ACTN4: variants seen among roughly 807,000 people sequenced by gnomAD.
ACTN4 encodes actinin alpha 4.
In ACTN4, 18 loss-of-function variants were observed where a neutral mutation model predicts 114.2. That is an observed-to-expected ratio of 0.16 (90% CI 0.11 to 0.23). ACTN4 has a LOEUF of 0.23. ACTN4 is among the 10% of genes least tolerant of loss of function. ACTN4 has a pLI of 1.00. For synonymous variants in ACTN4, 515 were observed against 506.3 expected (o/e 1.02, Z -0.23); for missense variants, 722 against 1,262.9 (o/e 0.57, Z 6.49).
chr19:38,669,206 C>T (rs748474780), intron 1 of ACTN4, among the ~76,000 whole-genome samples: 5 of 152,114 alleles, frequency 3.3e-5, no homozygotes, highest in Non-Finnish European at 7.3e-5. Flanking sequence ...AGATTGGTCT[C>T]GAATTCCTGA....
At position 38,714,558 on chromosome 19, in the gene ACTN4, C is replaced by T. The variant is rs781105730; in HGVS notation, c.909C>T (p.Ser303=). The change falls in exon 9 of 21, where the codon AGC becomes AGT. Residue 303 remains serine (S), a synonymous_variant. Transcript: ENST00000252699. ...TGGAGGACTACGAGAAGCTGGCCAG[C>T]GACGTGAGTGTTCCCCCAGTGAAAG... The part of the protein sequence containing the change: ...HLMEDYEKLA[S]DLLEWIRRTI... The T allele has an allele frequency of 1.4e-5, 22 of 1,613,922 alleles. No individual in the cohort carries two copies. Among genetic ancestry groups the T allele is most frequent in the South Asian group, 7.7e-5 (7 of 91,084 alleles).
intron 1 of ACTN4, among the ~76,000 whole-genome samples, chr19:38,696,544 A>G (rs1319857162): frequency 6.6e-6 from 1 of 152,136 alleles, no homozygotes; most frequent in African/African-American, 2.4e-5. Context: ...TGAATTTTTA[A>G]TGTCCCATTC....
At chr19:38,663,217 T>A (rs752541825) in intron 1 of ACTN4, among the ~76,000 whole-genome samples, 1 of 152,192 alleles carries the variant, frequency 6.6e-6, no homozygotes, top group Non-Finnish European at 1.5e-5. Context: ...GGCCACATTT[T>A]ATAGCCAACC....
At chr19:38,700,887 C>G (rs937541359) in intron 2 of ACTN4, 115 bp from the exon 3 acceptor site, 96 of 1,497,264 alleles carry the variant, frequency 6.4e-5, no homozygotes, top group Middle Eastern at 4.7e-4. Context: ...GGTGGGCCAG[C>G]AGAGGAACCT....
At chr19:38,713,333 G>C (rs900876823) in intron 8 of ACTN4, among the ~76,000 whole-genome samples, 3 of 152,174 alleles carry the variant, frequency 2.0e-5, no homozygotes, top group Admixed American at 6.5e-5. Flanking sequence ...CGGCAGCCCC[G>C]TGCTCACAGA....
intron 4 of ACTN4, among the ~76,000 whole-genome samples, chr19:38,705,575 T>TC (rs1249088921): frequency 3.3e-5 from 5 of 152,190 alleles, no homozygotes; most frequent in Non-Finnish European, 7.4e-5. Context: ...CTCGAAGGGC[T>TC]CCCGGTCTGT....
chr19:38,710,111 G>C, intron 7 of ACTN4, 146 bp from the exon 8 acceptor site: 2 of 814,676 alleles, frequency 2.5e-6, no homozygotes, highest in Non-Finnish European at 4.3e-6. Context: ...GGGGCTGAGG[G>C]TGTGGCTGAG....
chr19:38,650,538 T>C (rs913924380), intron 1 of ACTN4, among the ~76,000 whole-genome samples: 2 of 152,222 alleles, frequency 1.3e-5, no homozygotes, highest in Non-Finnish European at 2.9e-5. Context: ...TAGTACCTCC[T>C]GCTTTACACC....
chr19:38,647,749 G>A lies in ACTN4; in HGVS notation c.4G>A (p.Val2Met). The A allele has an allele frequency of 6.5e-7, 1 of 1,547,770 alleles. No individual in the cohort carries two copies. Among genetic ancestry groups the A allele is most frequent in the East Asian group, 2.6e-5 (1 of 39,062 alleles). The change falls in exon 1 of 21, where the codon GTG (valine) becomes ATG (methionine). Residue 2 changes from valine (V) to methionine (M), a missense_variant. Around this residue, in one of 3 missense-constraint regions of ACTN4, gnomAD observed 72 missense variants for 75.6 expected, o/e 0.95. Transcript: ENST00000252699. M[V>M]DYHAANQSYQ... ...TGGGCGAGCGAGAGGCGGCGGAATG[G>A]TGGACTACCACGCGGCGAACCAGTC... is the stretch of plus-strand genomic sequence containing the variant.
intron 1 of ACTN4, among the ~76,000 whole-genome samples, chr19:38,651,660 C>T (rs2144817985): frequency 6.6e-6 from 1 of 152,152 alleles, no homozygotes; most frequent in East Asian, 1.9e-4. Context: ...GCTCTTGTTG[C>T]CCATGTGGCT....
intron 11 of ACTN4, among the ~76,000 whole-genome samples, chr19:38,720,861 A>G (rs1423217095): frequency 1.3e-5 from 2 of 152,164 alleles, no homozygotes; most frequent in East Asian, 3.9e-4. Flanking sequence ...GGGTGCAGCC[A>G]CCTTCCCAGG....
intron 1 of ACTN4, 81 bp downstream of exon 1, chr19:38,647,988 CTG>C: frequency 7.3e-7 from 1 of 1,370,854 alleles, no homozygotes; most frequent in Non-Finnish European, 9.4e-7. Flanking sequence ...TGAAAGGTAA[CTG>C]GAGCGTCTGT....
At position 38,731,308 on chromosome 19, in the gene ACTN4, CA is replaced by C; in HGVS notation, c.*1877del. 1 of 1,006,276 alleles carries C rather than the reference CA, an allele frequency of 9.9e-7. No individual in the cohort carries two copies. Among genetic ancestry groups the C allele is most frequent in the Non-Finnish European group, 1.6e-6 (1 of 641,952 alleles). 62.3% of individuals were successfully genotyped at this position (1,006,276 alleles called of 1,614,324 possible). A position where few individuals can be genotyped will look rare whatever the true frequency, so the allele number is the denominator to read the frequency against. ...CCCCACCCCACCTCCTCAGGGAGGA[CA>C]TGAATGCCACAGGGTGTCACACCCC... is the stretch of plus-strand genomic sequence containing the variant. On this transcript the variant is annotated 3_prime_UTR_variant, in exon 21 of 21. Coordinates refer to ENST00000252699, the MANE Select transcript of ACTN4 (RefSeq NM_004924.6).
chr19:38,709,633 C>G (rs992849234), intron 7 of ACTN4, among the ~76,000 whole-genome samples, 157 bp downstream of exon 7: 1 of 152,204 alleles, frequency 6.6e-6, no homozygotes, highest in African/African-American at 2.4e-5. Context: ...TCTGGGTGAA[C>G]TGGGGACAGC....
At chr19:38,716,731 G>T in intron 9 of ACTN4, among the ~76,000 whole-genome samples, 1 of 152,232 alleles carries the variant, frequency 6.6e-6, no homozygotes, top group Admixed American at 6.5e-5. Context: ...CAACTACTTG[G>T]GAGACTGAGG....
intron 16 of ACTN4, 84 bp from the exon 17 acceptor site, chr19:38,725,640 C>A: frequency 2.0e-6 from 3 of 1,506,778 alleles, no homozygotes; most frequent in Non-Finnish European, 9.0e-7. Context: ...AAGATGCAGG[C>A]CAGCAGCGCG....
chr19:38,728,723 T>C (rs1219882474), intron 19 of ACTN4, among the ~76,000 whole-genome samples: 1 of 152,154 alleles, frequency 6.6e-6, no homozygotes, highest in East Asian at 1.9e-4. Flanking sequence ...TAGACCCCAG[T>C]TCCCTGCTGT....
At chr19:38,708,092 A>G in intron 5 of ACTN4, 25 bp from the exon 6 acceptor site, 2 of 1,613,514 alleles carry the variant, frequency 1.2e-6, no homozygotes, top group African/African-American at 1.3e-5. Context: ...GGGCCCTCCT[A>G]TAACCTTTGC....
At chr19:38,680,981 C>G (rs1229825840) in intron 1 of ACTN4, among the ~76,000 whole-genome samples, 1 of 151,826 alleles carries the variant, frequency 6.6e-6, no homozygotes, top group African/African-American at 2.4e-5. Context: ...CAAAACTTAG[C>G]TGGATGTGGT....
Sources: allele counts gnomAD v4.1 joint callset (sites outside exome capture counted in the v4.1 genomes callset), GRCh38; gene constraint gnomAD v4.1.1; regional missense constraint gnomAD v4.1.1; transcripts MANE v1.5; gene names NCBI Gene and HGNC (gene_info 2026-07-23, HGNC 2026-07-21).